Variants in MED28 observed in about 807,000 individuals in gnomAD.
MED28 encodes the protein mediator of RNA polymerase II transcription subunit 28.
Under a neutral mutation model 21.3 loss-of-function variants are expected in MED28, and 26 were observed. The ratio of observed to expected loss-of-function variants is 1.22; its 90% confidence interval spans 0.89 to 1.69. MED28 has a LOEUF of 1.69. Ranked by LOEUF, MED28 falls within the 40% of genes most tolerant of loss-of-function variation. The probability of loss-of-function intolerance (pLI) is 0.00; values close to 1 mark genes in which losing one functional copy is unlikely to be tolerated. For synonymous variants in MED28, 110 were observed against 87.6 expected, an observed-to-expected ratio of 1.26 and a Z score of -1.43; for missense variants, 257 against 215.4, an observed-to-expected ratio of 1.19 and a Z score of -1.21.
chr4:17,633,918 ATGC>A lies in MED28; in HGVS notation c.*10121_*10123del. ...TTGTATTAATGGACAGGTTAGTGCA[ATGC>A]AATGCAAAAAACAAAATAAAGCATT... is the stretch of plus-strand genomic sequence containing the variant. On this transcript the variant is annotated 3_prime_UTR_variant, in exon 4 of 4. Transcript: ENST00000237380. 3.0e-6 allele frequency: 4 copies of A among 1,355,146 alleles called. No homozygotes were observed. Among genetic ancestry groups the A allele is most frequent in the South Asian group, 1.7e-5 (1 of 59,904 alleles). The allele number at this position is 1,355,146 out of a possible 1,614,324, so 83.9% of individuals were successfully genotyped here.
At chr4:17,614,883 G>GT (rs1003914709) in intron 1 of MED28, 70 bp downstream of exon 1, 3 of 1,499,106 alleles carry the variant, frequency 2.0e-6, no homozygotes, top group African/African-American at 1.4e-5. Flanking sequence ...GCGCGTACGC[G>GT]TATCTCCTCC....
chr4:17,632,445 T>G lies in MED28; in HGVS notation c.*8647T>G. 2 of 1,090,088 alleles carry G rather than the reference T, an allele frequency of 1.8e-6. No homozygotes were observed. The highest frequency in any genetic ancestry group is 2.6e-6 in the Non-Finnish European group (2 of 755,488). 67.5% of individuals were successfully genotyped at this position (1,090,088 alleles called of 1,614,324 possible). A position where few individuals can be genotyped will look rare whatever the true frequency, so the allele number is the denominator to read the frequency against. On this transcript the variant is annotated 3_prime_UTR_variant, in exon 4 of 4. Transcript: ENST00000237380. ...TATAAATCATAAGCATATTATTTGG[T>G]TGGTTGGTGTTAGTTCATTCCTTCA...
In MED28 at chr4:17,628,969, T is replaced by A. The variant is rs1192832715; in HGVS notation, c.*5171T>A. 1 of 152,394 alleles carries A rather than the reference T, an allele frequency of 6.6e-6. No individual in the cohort carries two copies. Among genetic ancestry groups the A allele is most frequent in the Non-Finnish European group, 1.5e-5 (1 of 68,256 alleles). 9.4% of individuals were successfully genotyped at this position (152,394 alleles called of 1,614,324 possible). A position where few individuals can be genotyped will look rare whatever the true frequency, so the allele number is the denominator to read the frequency against. ...CTGCAGAGGGATAGTGAGGAACTGA[T>A]GAGGTGACTGTGAGTGCCCGGGGCC... On this transcript the variant is annotated 3_prime_UTR_variant, in exon 4 of 4. Transcript: ENST00000237380.
rs557147671 is a variant in MED28, at chr4:17,630,876, A to G, written c.*7078A>G. 1 of 152,308 alleles carries G rather than the reference A, an allele frequency of 6.6e-6. No homozygotes were observed. Among genetic ancestry groups the G allele is most frequent in the East Asian group, 1.9e-4 (1 of 5,186 alleles). 9.4% of individuals were successfully genotyped at this position (152,308 alleles called of 1,614,324 possible). On this transcript the variant is annotated 3_prime_UTR_variant, in exon 4 of 4. Transcript: ENST00000237380. The stretch of plus-strand genomic sequence containing the variant: ...TAATTTTACCTTTCTGTGGAAAATC[A>G]ATACAAGTCAACCATTTTTATTGCC...
intron 2 of MED28, chr4:17,620,181 G>A (rs573026898): frequency 2.5e-5 from 14 of 555,156 alleles, no homozygotes; most frequent in South Asian, 1.0e-4. Context: ...TGAACTTTTC[G>A]TATTCGTACT....
At position 17,632,944 on chromosome 4, in the gene MED28, C is replaced by T. The variant is rs982415808; in HGVS notation, c.*9146C>T. ...GAGACTTTGTTTTTATTTTTTGTGACAGAGTCTCCCTCTGTCACCCAGGCT... is the reference window on the plus strand; with the variant it reads ...GAGACTTTGTTTTTATTTTTTGTGATAGAGTCTCCCTCTGTCACCCAGGCT... On this transcript the variant is annotated 3_prime_UTR_variant, in exon 4 of 4. Transcript: ENST00000237380. 17 of 194,098 alleles carry T rather than the reference C, an allele frequency of 8.8e-5. No homozygotes were observed. The highest frequency in any genetic ancestry group is 1.4e-4 in the Non-Finnish European group (13 of 92,844). 12.0% of individuals were successfully genotyped at this position (194,098 alleles called of 1,614,324 possible).
At position 17,632,686 on chromosome 4, in the gene MED28, A is replaced by G; in HGVS notation, c.*8888A>G. 1 of 1,101,970 alleles carries G rather than the reference A, an allele frequency of 9.1e-7. No individual in the cohort carries two copies. Among genetic ancestry groups the G allele is most frequent in the African/African-American group, 1.6e-5 (1 of 63,736 alleles). 68.3% of individuals were successfully genotyped at this position (1,101,970 alleles called of 1,614,324 possible). ...AAAACTATGCAAGAAGCAGCTTAAT[A>G]CCCACCATCTTTTCAGGGAAAGATA... is the stretch of plus-strand genomic sequence containing the variant. On this transcript the variant is annotated 3_prime_UTR_variant, in exon 4 of 4. Transcript: ENST00000237380.
chr4:17,616,566 T>A (rs1271224505), intron 1 of MED28, among the ~76,000 whole-genome samples: 1 of 152,224 alleles, frequency 6.6e-6, no homozygotes, highest in Non-Finnish European at 1.5e-5. Context: ...TCAGACTCGT[T>A]TCCTTACTGC....
Position 17,623,534 on chromosome 4 carries a change from A to G in MED28, c.340-67A>G. On this transcript the variant is annotated intron_variant, in intron 3 of 3. Transcript: ENST00000237380. The stretch of plus-strand genomic sequence containing the variant: ...CTTTGTTTTGAATTGTTAGCCTCTT[A>G]ACTAACCAGAACCGTATGTGTTTTT... 3.3e-6 allele frequency: 5 copies of G among 1,494,892 alleles called. No individual in the cohort carries two copies. In the South Asian group the frequency reaches 3.4e-5, roughly 10 times the overall value. 92.6% of individuals were successfully genotyped at this position (1,494,892 alleles called of 1,614,324 possible).
Position 17,625,055 on chromosome 4 carries a change from A to G in MED28, c.*1257A>G, listed in dbSNP as rs1714739584. 6.6e-6 allele frequency: 1 copy of G among 152,156 alleles called. No individual in the cohort carries two copies. The highest frequency in any genetic ancestry group is 1.5e-5 in the Non-Finnish European group (1 of 68,106). 9.4% of individuals were successfully genotyped at this position (152,156 alleles called of 1,614,324 possible). A position where few individuals can be genotyped will look rare whatever the true frequency, so the allele number is the denominator to read the frequency against. ...TTCAGCCTTGAAGGCCCCTTCCCACATGGACTGACATCCACTCATGTGCCT... is the reference window on the plus strand; with the variant it reads ...TTCAGCCTTGAAGGCCCCTTCCCACGTGGACTGACATCCACTCATGTGCCT... On this transcript the variant is annotated 3_prime_UTR_variant, in exon 4 of 4. Transcript: ENST00000237380.
At chr4:17,616,706 C>T (rs976418095) in intron 1 of MED28, among the ~76,000 whole-genome samples, 1 of 152,178 alleles carries the variant, frequency 6.6e-6, no homozygotes, top group Non-Finnish European at 1.5e-5. Flanking sequence ...CCATTAAATT[C>T]GGCTCCATGA....
In MED28 at chr4:17,626,683, T is replaced by G. The variant is rs1202582659; in HGVS notation, c.*2885T>G. 6.6e-6 allele frequency: 1 copy of G among 152,278 alleles called. No individual in the cohort carries two copies. Among genetic ancestry groups the G allele is most frequent in the South Asian group, 2.1e-4 (1 of 4,832 alleles). 9.4% of individuals were successfully genotyped at this position (152,278 alleles called of 1,614,324 possible). A position where few individuals can be genotyped will look rare whatever the true frequency, so the allele number is the denominator to read the frequency against. On this transcript the variant is annotated 3_prime_UTR_variant, in exon 4 of 4. Coordinates refer to ENST00000237380, the MANE Select transcript of MED28 (RefSeq NM_025205.5). ...ACTCACATCTTCAGGACAGCCTTTTTTTTTTGAGACAGGAGTCTTGCTCTG... is the reference window on the plus strand; with the variant it reads ...ACTCACATCTTCAGGACAGCCTTTTGTTTTTGAGACAGGAGTCTTGCTCTG...
intron 1 of MED28, among the ~76,000 whole-genome samples, chr4:17,616,516 T>A (rs1383634407): frequency 1.3e-5 from 2 of 152,226 alleles, no homozygotes; most frequent in Non-Finnish European, 2.9e-5. Flanking sequence ...TCAAGATGTT[T>A]AGTGTGGTCT....
Position 17,621,628 on chromosome 4 carries a change from C to T in MED28, c.268C>T (p.Gln90Ter), listed in dbSNP as rs750106365. 4.3e-6 allele frequency: 7 copies of T among 1,609,936 alleles called. No individual in the cohort carries two copies. Among genetic ancestry groups the T allele is most frequent in the Non-Finnish European group, 5.1e-6 (6 of 1,179,054 alleles). Residue 90 changes from glutamine (Q) to a stop codon, truncating the protein, a stop_gained, in exon 3 of 4, where the codon CAG (glutamine) becomes TAG (stop). Transcript: ENST00000237380. LOFTEE classifies it high-confidence loss of function. ...CCAGAAGTTTCTGGATATTGCAAGACAGACAGAATGTTTTTTCTTACAAAA... is the reference window on the plus strand; with the variant it reads ...CCAGAAGTTTCTGGATATTGCAAGATAGACAGAATGTTTTTTCTTACAAAA... The part of the protein sequence containing the change: ...CIQKFLDIAR[Q>*]TECFFLQKRL...
Position 17,614,670 on chromosome 4 carries a change from G to A in MED28, c.16G>A (p.Gly6Arg), listed in dbSNP as rs760600796. The A allele has an allele frequency of 1.7e-5, 27 of 1,612,080 alleles. No individual in the cohort carries two copies. The highest frequency in any genetic ancestry group is 4.5e-5 in the East Asian group (2 of 44,870). The change falls in exon 1 of 4, where the codon GGG becomes AGG. Residue 6 changes from glycine to arginine, a missense_variant. Coordinates refer to ENST00000237380, the MANE Select transcript of MED28 (RefSeq NM_025205.5). Reference sequence around the variant, plus strand: ...CATTCCAAACATGGCGGCTCCACTAGGGGGTATGTTTTCTGGGCAGCCACC... The same window carrying A: ...CATTCCAAACATGGCGGCTCCACTAAGGGGTATGTTTTCTGGGCAGCCACC... MAAPL[G>R]GMFSGQPPGP... is the part of the protein sequence containing the mutation.
chr4:17,619,908 T>G lies in MED28; in HGVS notation c.167T>G (p.Phe56Cys). The G allele has an allele frequency of 6.2e-7, 1 of 1,614,130 alleles. No individual in the cohort carries two copies. Among genetic ancestry groups the G allele is most frequent in the South Asian group, 1.1e-5 (1 of 91,086 alleles). The change falls in exon 2 of 4, where the codon TTT becomes TGT. Residue 56 changes from phenylalanine to cysteine, a missense_variant. Phe to Cys is a radical substitution (Grantham distance 205, BLOSUM62 -2). Coordinates refer to ENST00000237380, the MANE Select transcript of MED28 (RefSeq NM_025205.5). ...TATGTTTTGATTACACAGGCTTGCT[T>G]TGCATCTCTGGTGAGTCAGGACTAT... ...DELESSFEAC[F>C]ASLVSQDYVN...
rs972530161 is a variant in MED28 at position 17,628,312 on chromosome 4, GTGTA to G, written c.*4522_*4525del. 17 of 150,008 alleles carry G rather than the reference GTGTA, an allele frequency of 1.1e-4. No homozygotes were observed. Among genetic ancestry groups the G allele is most frequent in the Admixed American group, 2.0e-4 (3 of 14,956 alleles). The allele number at this position is 150,008 out of a possible 1,614,324, so 9.3% of individuals were successfully genotyped here. On this transcript the variant is annotated 3_prime_UTR_variant, in exon 4 of 4. Transcript: ENST00000237380. ...TGTGTATGTGTATATGCGTATATAT[GTGTA>G]TGTATGTGTGTATATATATATGTGT...
intron 3 of MED28, among the ~76,000 whole-genome samples, chr4:17,622,978 G>C (rs187258769): frequency 2.6e-5 from 4 of 152,288 alleles, no homozygotes; most frequent in South Asian, 2.1e-4. Flanking sequence ...TTCCTCCCTC[G>C]ACACATGGGA....
chr4:17,621,231 C>G (rs1442405114), intron 2 of MED28, among the ~76,000 whole-genome samples: 3 of 152,008 alleles, frequency 2.0e-5, no homozygotes, highest in East Asian at 3.9e-4. Context: ...CCAGGGTGGT[C>G]TCAATCTCCT....
Sources: gnomAD v4.1 joint callset for allele counts (sites outside exome capture counted in the v4.1 genomes callset) on GRCh38, gnomAD v4.1.1 for gene constraint, MANE v1.5 for transcripts, NCBI Gene and HGNC (gene_info 2026-07-23, HGNC 2026-07-21) for gene names.